TYW1B: variants seen among roughly 807,000 people sequenced by gnomAD.
The protein encoded by TYW1B is tRNA-yW synthesizing protein 1 homolog B, also known as S-adenosyl-L-methionine-dependent tRNA 4-demethylwyosine synthase TYW1B.
In TYW1B, 73 loss-of-function variants were observed where a neutral mutation model predicts 86.9. The observed-to-expected ratio is 0.84, with a 90% confidence interval of 0.70 to 1.02. TYW1B has a LOEUF of 1.02. Ranked by LOEUF, TYW1B falls within the 50% of genes least tolerant of loss-of-function variation. The pLI is 0.00. For synonymous variants in TYW1B, 248 were observed against 292.8 expected (o/e 0.85, Z 1.56); for missense variants, 637 against 827.4 (o/e 0.77, Z 2.82).
intron 11 of TYW1B, among the ~76,000 whole-genome samples, chr7:72,647,691 C>CT (rs879972736): frequency 6.3e-4 from 91 of 144,960 alleles, no homozygotes; most frequent in South Asian, 1.1e-3. Flanking sequence ...CAAGGGGTAA[C>CT]TTTTTTTTTT....
At position 72,760,014 on chromosome 7, in the gene TYW1B, A is replaced by C. The variant is rs193186389; in HGVS notation, c.965-15413T>G. Among the ~76,000 whole-genome samples the C allele has an allele frequency of 1.5e-3, 236 of 152,294 alleles. 4 individuals are homozygous for C. In the East Asian group the frequency reaches 0.021, roughly 13 times the overall value. On this transcript the variant is annotated intron_variant, in intron 7 of 13. Coordinates refer to ENST00000620995, the MANE Select transcript of TYW1B (RefSeq NM_001145440.3). The stretch of plus-strand genomic sequence containing the variant: ...TATGTCTGTCCAGCATATACACACA[A>C]AAAAAATCTTGCTTTTTCCGGCACA...
intron 7 of TYW1B, among the ~76,000 whole-genome samples, chr7:72,771,985 T>C (rs539290502): frequency 1.3e-4 from 20 of 151,974 alleles, no homozygotes; most frequent in Non-Finnish European, 2.2e-4. Flanking sequence ...TAATTGGGAC[T>C]ACAGTTGTGC....
At chr7:72,653,728 T>C (rs1813121831) in intron 11 of TYW1B, among the ~76,000 whole-genome samples, 1 of 151,966 alleles carries the variant, frequency 6.6e-6, no homozygotes, top group Admixed American at 6.6e-5. Flanking sequence ...AGAAAAATAA[T>C]ATGATCATAT....
At chr7:72,754,600 G>A (rs1463628069) in intron 7 of TYW1B, among the ~76,000 whole-genome samples, 3 of 151,912 alleles carry the variant, frequency 2.0e-5, no homozygotes, top group Non-Finnish European at 2.9e-5. Context: ...ACCATGTCTG[G>A]CTAATTTTTA....
intron 11 of TYW1B, among the ~76,000 whole-genome samples, chr7:72,662,246 T>C (rs1813345242): frequency 6.6e-6 from 1 of 152,170 alleles, no homozygotes; most frequent in African/African-American, 2.4e-5. Flanking sequence ...GTGATATAAA[T>C]CTTTAAATAG....
chr7:72,710,985 C>T (rs1786649720), intron 10 of TYW1B, among the ~76,000 whole-genome samples: 1 of 152,150 alleles, frequency 6.6e-6, no homozygotes, highest in Non-Finnish European at 1.5e-5. Context: ...AGTTCCACCT[C>T]CCTTTCTAGC....
intron 8 of TYW1B, among the ~76,000 whole-genome samples, chr7:72,734,257 C>CAAAAAAAAAAAAAAAAAAAA (rs111714599): frequency 1.1e-4 from 4 of 35,816 alleles, no homozygotes; most frequent in Non-Finnish European, 3.7e-4. Flanking sequence ...AACTCCATCT[C>CAAAAAAAAAAAAAAAAAAAA]AAAAAAAAAA....
intron 8 of TYW1B, among the ~76,000 whole-genome samples, chr7:72,737,725 T>C (rs1554461199): frequency 2.0e-5 from 3 of 152,048 alleles, no homozygotes; most frequent in East Asian, 3.8e-4. Flanking sequence ...CCTTATAATA[T>C]CTCAAACTCT....
chr7:72,764,454 T>C (rs1787738984), intron 7 of TYW1B, among the ~76,000 whole-genome samples: 1 of 152,204 alleles, frequency 6.6e-6, no homozygotes, highest in Non-Finnish European at 1.5e-5. Flanking sequence ...AGCTAATTTT[T>C]GTATTTTTAG....
intron 11 of TYW1B, among the ~76,000 whole-genome samples, chr7:72,657,338 T>G (rs1813228408): frequency 6.6e-6 from 1 of 152,162 alleles, no homozygotes; most frequent in Admixed American, 6.6e-5. Flanking sequence ...AAAGCCTATG[T>G]GACATGCAGG....
chr7:72,772,431 T>C (rs1189374035), intron 7 of TYW1B, among the ~76,000 whole-genome samples: 9 of 152,204 alleles, frequency 5.9e-5, no homozygotes, highest in South Asian at 4.1e-4. Context: ...TCAGTAATCT[T>C]TGAAAGAAGA....
At chr7:72,605,359 G>T (rs1211763044) in intron 13 of TYW1B, among the ~76,000 whole-genome samples, 146 of 140,524 alleles carry the variant, frequency 1.0e-3, no homozygotes, top group African/African-American at 3.2e-3. Context: ...TGTTTGTTTT[G>T]TTTTTTTTTT....
At chr7:72,699,408 A>T (rs1814403138) in intron 10 of TYW1B, among the ~76,000 whole-genome samples, 2 of 152,174 alleles carry the variant, frequency 1.3e-5, no homozygotes, top group African/African-American at 4.8e-5. Flanking sequence ...ACACAGTCAG[A>T]TCAGTGCTGA....
intron 8 of TYW1B, among the ~76,000 whole-genome samples, chr7:72,738,080 C>A (rs1162362773): frequency 8.7e-5 from 7 of 80,060 alleles, no homozygotes; most frequent in African/African-American, 3.0e-4. Context: ...GGCCATATTT[C>A]TTTCTTTCTT....
intron 6 of TYW1B, among the ~76,000 whole-genome samples, chr7:72,779,712 CAAAA>C (rs58301724): frequency 1.6e-5 from 1 of 64,262 alleles, no homozygotes. Context: ...GACTCTGCCT[CAAAA>C]AAAAAAAAAA....
intron 12 of TYW1B, among the ~76,000 whole-genome samples, chr7:72,626,984 T>C (rs1812363108): frequency 2.0e-5 from 3 of 151,952 alleles, no homozygotes; most frequent in African/African-American, 7.3e-5. Context: ...TTATCTTTGC[T>C]TGAAAGGCCT....
chr7:72,612,703 G>T (rs1260577613), intron 13 of TYW1B, among the ~76,000 whole-genome samples: 1 of 151,906 alleles, frequency 6.6e-6, no homozygotes, highest in Non-Finnish European at 1.5e-5. Context: ...CCTCAATCTA[G>T]CCACAAGGAA....
chr7:72,682,566 T>C (rs1422357459), intron 11 of TYW1B, among the ~76,000 whole-genome samples: 13 of 152,186 alleles, frequency 8.5e-5, no homozygotes, highest in Admixed American at 2.6e-4. Context: ...ATTTTACAAC[T>C]TAAAATTAAC....
At position 72,767,547 on chromosome 7, in the gene TYW1B, C is replaced by T. The variant is rs552363771; in HGVS notation, c.964+9869G>A. On this transcript the variant is annotated intron_variant, in intron 7 of 13. Transcript: ENST00000620995. ...ATGGTGTGAACCTGGGAGGCGGAGC[C>T]TGCAGTAAGCTGAGATCACACCACT... 2.6e-5 allele frequency among the ~76,000 whole-genome samples: 4 copies of T among 151,868 alleles called. No individual in the cohort carries two copies. In the East Asian group the frequency reaches 7.8e-4, roughly 29 times the overall value.
Sources: allele counts gnomAD v4.1 joint callset (sites outside exome capture counted in the v4.1 genomes callset), GRCh38; gene constraint gnomAD v4.1.1; transcripts MANE v1.5; gene names NCBI Gene and HGNC (gene_info 2026-07-23, HGNC 2026-07-21).